NPAS3: variants seen among roughly 807,000 people sequenced by gnomAD.
NPAS3 encodes neuronal PAS domain-containing protein 3.
In NPAS3, 14 loss-of-function variants were observed where a neutral mutation model predicts 73.1. The observed-to-expected ratio is 0.19, with a 90% CI of 0.13 to 0.30. The LOEUF (loss-of-function observed/expected upper bound fraction) is 0.30, where lower values mean the gene tolerates loss of function less well. Among genes scored for constraint, NPAS3 ranks in the 10% least tolerant of loss-of-function variants. The probability of loss-of-function intolerance (pLI) is 1.00; values close to 1 mark genes in which losing one functional copy is unlikely to be tolerated. For synonymous variants in NPAS3, 620 were observed against 541.5 expected, an observed-to-expected ratio of 1.14 and a Z score of -2.01; for missense variants, 1,096 against 1,250.0, an observed-to-expected ratio of 0.88 and a Z score of 1.86.
intron 2 of NPAS3, among the ~76,000 whole-genome samples, chr14:33,144,994 C>A (rs557426180): frequency 2.0e-5 from 3 of 152,268 alleles, no homozygotes; most frequent in Non-Finnish European, 4.4e-5. Flanking sequence ...TGGTTTGTTA[C>A]AAAATTTTCG....
intron 4 of NPAS3, among the ~76,000 whole-genome samples, chr14:33,387,525 A>G (rs966312638): frequency 3.9e-5 from 6 of 152,162 alleles, no homozygotes; most frequent in South Asian, 4.1e-4. Context: ...TTGGGAGGCC[A>G]TCAAAGCAGG....
At chr14:33,012,424 G>T (rs1300272927) in intron 1 of NPAS3, among the ~76,000 whole-genome samples, 1 of 152,228 alleles carries the variant, frequency 6.6e-6, no homozygotes, top group South Asian at 2.1e-4. Context: ...GCTAAATAGC[G>T]GGAACCATGT....
At chr14:33,687,652 A>C (rs2060126319) in intron 6 of NPAS3, among the ~76,000 whole-genome samples, 1 of 152,236 alleles carries the variant, frequency 6.6e-6, no homozygotes, top group African/African-American at 2.4e-5. Flanking sequence ...ATTTAGGAAA[A>C]TACTTCCCAT....
At chr14:33,418,040 C>A (rs1245286368) in intron 4 of NPAS3, among the ~76,000 whole-genome samples, 1 of 118,944 alleles carries the variant, frequency 8.4e-6, no homozygotes. Context: ...TGAACAAAAG[C>A]AATGCAGGAT....
intron 4 of NPAS3, among the ~76,000 whole-genome samples, chr14:33,485,923 C>T (rs1365305350): frequency 1.3e-5 from 2 of 151,876 alleles, no homozygotes; most frequent in Non-Finnish European, 2.9e-5. Flanking sequence ...AGGATGCCAC[C>T]TCTAGGGGGT....
At chr14:33,434,898 A>G (rs962140860) in intron 4 of NPAS3, among the ~76,000 whole-genome samples, 2 of 152,176 alleles carry the variant, frequency 1.3e-5, no homozygotes, top group Non-Finnish European at 2.9e-5. Context: ...AATTGTCAAT[A>G]CAGAGCTATA....
intron 2 of NPAS3, chr14:33,213,555 A>G (rs552812877): frequency 1.2e-4 from 18 of 152,324 alleles, no homozygotes; most frequent in African/African-American, 4.3e-4. Flanking sequence ...AAAATTGAGC[A>G]CTTGTAGAAT....
At chr14:33,234,512 C>T (rs574270393) in intron 3 of NPAS3, among the ~76,000 whole-genome samples, 1 of 152,048 alleles carries the variant, frequency 6.6e-6, no homozygotes, top group Non-Finnish European at 1.5e-5. Flanking sequence ...CAAATTCTAA[C>T]CACTGACTAA....
chr14:33,626,071 T>G (rs187565129), intron 5 of NPAS3, among the ~76,000 whole-genome samples: 78 of 152,334 alleles, frequency 5.1e-4, no homozygotes, highest in Non-Finnish European at 9.7e-4. Context: ...CCAGAACTTC[T>G]GACTTCTACC....
At chr14:33,336,097 T>C (rs2044214360) in intron 3 of NPAS3, among the ~76,000 whole-genome samples, 1 of 152,234 alleles carries the variant, frequency 6.6e-6, no homozygotes, top group Non-Finnish European at 1.5e-5. Context: ...TTGTCTTTTA[T>C]TATAGCCATT....
chr14:33,239,837 C>T (rs573276681), intron 3 of NPAS3, among the ~76,000 whole-genome samples: 2 of 151,098 alleles, frequency 1.3e-5, no homozygotes, highest in East Asian at 3.9e-4. Flanking sequence ...CCTTCACATA[C>T]ATTTACTTCA....
intron 2 of NPAS3, among the ~76,000 whole-genome samples, chr14:33,149,355 A>G (rs2044363164): frequency 6.6e-6 from 1 of 152,218 alleles, no homozygotes; most frequent in South Asian, 2.1e-4. Context: ...TGTTCAAATA[A>G]GTTTTTCTTC....
intron 2 of NPAS3, among the ~76,000 whole-genome samples, chr14:33,195,484 G>C (rs1016271098): frequency 1.3e-5 from 2 of 152,058 alleles, no homozygotes; most frequent in African/African-American, 4.8e-5. Flanking sequence ...GGCCAGGTTG[G>C]TCTTGAACTC....
chr14:33,022,145 T>A (rs2039620931), intron 1 of NPAS3, among the ~76,000 whole-genome samples: 1 of 152,192 alleles, frequency 6.6e-6, no homozygotes, highest in African/African-American at 2.4e-5. Context: ...TGATTGGCCT[T>A]TAAAAGGTAT....
At chr14:33,275,204 G>A (rs1284120884) in intron 3 of NPAS3, among the ~76,000 whole-genome samples, 1 of 152,158 alleles carries the variant, frequency 6.6e-6, no homozygotes, top group Non-Finnish European at 1.5e-5. Context: ...TGACTTGCAT[G>A]AACATATTTT....
chr14:33,309,649 G>C (rs2042919784), intron 3 of NPAS3, among the ~76,000 whole-genome samples: 1 of 152,080 alleles, frequency 6.6e-6, no homozygotes, highest in Non-Finnish European at 1.5e-5. Flanking sequence ...TTTTCTACTG[G>C]GTGTACCACT....
At chr14:33,191,451 TAAA>T (rs1041313502) in intron 2 of NPAS3, among the ~76,000 whole-genome samples, 32 of 152,268 alleles carry the variant, frequency 2.1e-4, no homozygotes, top group African/African-American at 7.5e-4. Context: ...AGGATGGCAA[TAAA>T]GATAGAAGGT....
At chr14:33,615,568 G>A (rs891558972) in intron 5 of NPAS3, among the ~76,000 whole-genome samples, 2 of 152,322 alleles carry the variant, frequency 1.3e-5, no homozygotes, top group African/African-American at 4.8e-5. Context: ...GGAGTACCAT[G>A]AACAGAAATA....
At chr14:33,591,503 C>T (rs17101589) in intron 5 of NPAS3, among the ~76,000 whole-genome samples, 16,059 of 152,232 alleles carry the variant, frequency 0.11, 1,960 homozygotes, top group African/African-American at 0.29. Flanking sequence ...ACTAAAGCCA[C>T]TGACTACCAT....
Sources: gnomAD v4.1 joint callset for allele counts (sites outside exome capture counted in the v4.1 genomes callset) on GRCh38, gnomAD v4.1.1 for gene constraint, MANE v1.5 for transcripts, NCBI Gene and HGNC (gene_info 2026-07-23, HGNC 2026-07-21) for gene names.